SLC20A2: variants seen among roughly 807,000 people sequenced by gnomAD.
The protein encoded by SLC20A2 is solute carrier family 20 member 2, also known as sodium-dependent phosphate transporter 2.
A neutral mutation model predicts 61.0 loss-of-function variants in SLC20A2; 30 were observed. That is an observed-to-expected ratio of 0.49 (90% confidence interval 0.37 to 0.67). The LOEUF is 0.67. SLC20A2 is among the 30% of genes least tolerant of loss of function. The pLI, the probability that SLC20A2 is intolerant of heterozygous loss-of-function variation, is 0.00. For missense variants in SLC20A2, 626 were observed against 866.4 expected (o/e 0.72, Z 3.48); for synonymous variants, 351 against 353.3 (o/e 0.99, Z 0.07).
chr8:42,463,053 G>A lies in SLC20A2; in HGVS notation c.468C>T (p.Phe156=), dbSNP rs1332025124. The change falls in exon 4 of 11, where the codon TTC becomes TTT. Residue 156 remains phenylalanine, a synonymous_variant. Coordinates refer to ENST00000520262, the MANE Select transcript of SLC20A2 (RefSeq NM_001257180.2). The stretch of plus-strand genomic sequence containing the variant: ...TGAGTACAAACAGCAGGCCAGACAT[G>A]AAACCAGACAACAGTGGAGATATAA... ...SWFISPLLSG[F]MSGLLFVLIR... 5 of 1,605,136 alleles carry A rather than the reference G, an allele frequency of 3.1e-6. No homozygotes were observed. In the African/African-American group the frequency reaches 6.7e-5, roughly 22 times the overall value.
In SLC20A2 at chr8:42,417,446, T is replaced by C. The variant is rs1425469745; in HGVS notation, c.*357A>G. The C allele has an allele frequency of 6.0e-6, 1 of 165,966 alleles. No individual in the cohort carries two copies. Among genetic ancestry groups the C allele is most frequent in the African/African-American group, 2.4e-5 (1 of 42,314 alleles). 10.3% of individuals were successfully genotyped at this position (165,966 alleles called of 1,614,324 possible). A position where few individuals can be genotyped will look rare whatever the true frequency, so the allele number is the denominator to read the frequency against. On this transcript the variant is annotated 3_prime_UTR_variant, in exon 11 of 11. Transcript: ENST00000520262. ...TCGAAATAGTTATGTACAAGATTTA[T>C]TGAATATTGACTTCTAGGCAATGAT... is the stretch of plus-strand genomic sequence containing the variant.
At chr8:42,450,429 T>C (rs1007333811) in intron 5 of SLC20A2, among the ~76,000 whole-genome samples, 3 of 152,062 alleles carry the variant, frequency 2.0e-5, no homozygotes, top group African/African-American at 4.8e-5. Context: ...GGTTTCACCA[T>C]ATTGGCCAAC....
chr8:42,524,677 T>C (rs1039914823), intron 1 of SLC20A2, among the ~76,000 whole-genome samples: 2 of 151,906 alleles, frequency 1.3e-5, no homozygotes, highest in South Asian at 4.2e-4. Flanking sequence ...TCCCAGCTAC[T>C]TGGGAGGCTG....
At chr8:42,518,954 C>G (rs1490813618) in intron 1 of SLC20A2, among the ~76,000 whole-genome samples, 2 of 152,190 alleles carry the variant, frequency 1.3e-5, no homozygotes, top group Admixed American at 6.5e-5. Context: ...GTGATTTTCC[C>G]CACCCTCAGG....
chr8:42,503,135 C>T (rs1810426518), upstream of SLC20A2, among the ~76,000 whole-genome samples: 1 of 152,200 alleles, frequency 6.6e-6, no homozygotes, highest in African/African-American at 2.4e-5. Context: ...GCAGCCACAC[C>T]TGTTCCACAG....
chr8:42,462,605 A>C (rs1233819868), intron 4 of SLC20A2, among the ~76,000 whole-genome samples: 1 of 151,466 alleles, frequency 6.6e-6, no homozygotes, highest in Non-Finnish European at 1.5e-5. Flanking sequence ...AAAAAAAAAA[A>C]GGGAACACAC....
intron 5 of SLC20A2, among the ~76,000 whole-genome samples, chr8:42,451,415 G>A (rs796177477): frequency 6.7e-6 from 1 of 148,764 alleles, no homozygotes; most frequent in African/African-American, 2.5e-5. Context: ...AGAGGAGAAG[G>A]AGTAGGAAGA....
intron 5 of SLC20A2, among the ~76,000 whole-genome samples, chr8:42,449,841 T>A (rs1222626656): frequency 6.6e-6 from 1 of 152,238 alleles, no homozygotes; most frequent in African/African-American, 2.4e-5. Flanking sequence ...ACAGACACCA[T>A]GTCGAACATT....
chr8:42,455,206 C>T (rs1668700632), intron 5 of SLC20A2, among the ~76,000 whole-genome samples: 1 of 111,288 alleles, frequency 9.0e-6, no homozygotes, highest in Non-Finnish European at 1.7e-5. Context: ...GCCTAGGAGA[C>T]AGAGCAAGAC....
At chr8:42,525,334 C>A (rs1203509597) in intron 1 of SLC20A2, among the ~76,000 whole-genome samples, 1 of 152,114 alleles carries the variant, frequency 6.6e-6, no homozygotes, top group Admixed American at 6.6e-5. Context: ...GTAATCCCAG[C>A]ACTTTGGGAG....
chr8:42,496,972 A>G (rs1809977942), intron 1 of SLC20A2, among the ~76,000 whole-genome samples: 1 of 152,204 alleles, frequency 6.6e-6, no homozygotes, highest in African/African-American at 2.4e-5. Context: ...TCACATGGGG[A>G]GGAGAGTCTG....
At position 42,444,691 on chromosome 8, in the gene SLC20A2, AAAAAGCGAACAGG is replaced by A. The variant is rs1201628506; in HGVS notation, c.672_684del (p.Phe226CysfsTer13). ...CACGGACACACGAAGAGCCACACAA[AAAAAGCGAACAGG>A]AGGGCGACACCAAAGGAAATGAGGG... On this transcript the variant is annotated frameshift_variant, in exon 6 of 11. Coordinates refer to ENST00000520262, the MANE Select transcript of SLC20A2 (RefSeq NM_001257180.2). LOFTEE classifies it high-confidence loss of function. 1 of 1,613,940 alleles carries A rather than the reference AAAAAGCGAACAGG, an allele frequency of 6.2e-7. No homozygotes were observed. Among genetic ancestry groups the A allele is most frequent in the Non-Finnish European group, 8.5e-7 (1 of 1,179,922 alleles).
chr8:42,488,825 A>G (rs1016821869), intron 1 of SLC20A2, among the ~76,000 whole-genome samples: 2 of 151,764 alleles, frequency 1.3e-5, no homozygotes, highest in Non-Finnish European at 2.9e-5. Flanking sequence ...ATCTTTTCAC[A>G]TGCTTGTTGG....
chr8:42,472,493 G>A lies in SLC20A2; in HGVS notation c.-103C>T, dbSNP rs1057314415. Reference sequence around the variant, plus strand: ...AAGGCCAAGAGTTCTTGTAAACAGTGAGTTTGCTCTGGAAAGTGCTGGACA... The same window carrying A: ...AAGGCCAAGAGTTCTTGTAAACAGTAAGTTTGCTCTGGAAAGTGCTGGACA... On this transcript the variant is annotated 5_prime_UTR_variant, in exon 2 of 11. Coordinates refer to ENST00000520262, the MANE Select transcript of SLC20A2 (RefSeq NM_001257180.2). The surrounding 1 kb of genome is among the most constrained non-coding windows in gnomAD (Gnocchi z 4.1). 9.2e-7 allele frequency: 1 copy of A among 1,082,810 alleles called. No homozygotes were observed. Among genetic ancestry groups the A allele is most frequent in the Non-Finnish European group, 1.3e-6 (1 of 758,586 alleles). The allele number at this position is 1,082,810 out of a possible 1,614,324, so 67.1% of individuals were successfully genotyped here.
chr8:42,532,504 TAATTCTTAGAAAC>T (rs1028759666), intron 1 of SLC20A2, among the ~76,000 whole-genome samples: 52 of 152,310 alleles, frequency 3.4e-4, no homozygotes, highest in African/African-American at 1.2e-3. Flanking sequence ...AATACTAATC[TAATTCTTAGAAAC>T]AGAAAACAGA....
At chr8:42,467,052 C>T (rs1457929941) in intron 2 of SLC20A2, among the ~76,000 whole-genome samples, 1 of 152,098 alleles carries the variant, frequency 6.6e-6, no homozygotes, top group Non-Finnish European at 1.5e-5. Context: ...AAGCCATTTT[C>T]CCACCATGGC....
chr8:42,526,943 A>G (rs904819613), intron 1 of SLC20A2, among the ~76,000 whole-genome samples: 3 of 151,908 alleles, frequency 2.0e-5, no homozygotes, highest in African/African-American at 7.3e-5. Flanking sequence ...GCCTTTACAA[A>G]AAAATAGAAA....
At chr8:42,506,548 G>A (rs1586230125) in intron 1 of SLC20A2, among the ~76,000 whole-genome samples, 1 of 152,330 alleles carries the variant, frequency 6.6e-6, no homozygotes, top group African/African-American at 2.4e-5. Flanking sequence ...GCGGATTAAA[G>A]GCTCCCTGTT....
chr8:42,440,051 C>A lies in SLC20A2; in HGVS notation c.731-398G>T, dbSNP rs964462074. Among the ~76,000 whole-genome samples, 3 of 151,592 alleles carry A rather than the reference C, an allele frequency of 2.0e-5. No individual in the cohort carries two copies. In the East Asian group the frequency reaches 5.8e-4, roughly 29 times the overall value. On this transcript the variant is annotated intron_variant, in intron 6 of 10. Coordinates refer to ENST00000520262, the MANE Select transcript of SLC20A2 (RefSeq NM_001257180.2). ...AGTGAGCCAAGACTGCGCCACTGCG[C>A]TCCAGCCTGGGTGACAGAGTGAGAC...
Sources: gnomAD v4.1 joint callset for allele counts (sites outside exome capture counted in the v4.1 genomes callset) on GRCh38, gnomAD v4.1.1 for gene constraint, Gnocchi (gnomAD v3.1) non-coding constraint, MANE v1.5 for transcripts, NCBI Gene and HGNC (gene_info 2026-07-23, HGNC 2026-07-21) for gene names.